Variants in TENM4 observed in about 807,000 individuals in gnomAD.
The protein encoded by TENM4 is teneurin transmembrane protein 4, also known as teneurin-4.
A neutral mutation model predicts 243.3 loss-of-function variants in TENM4; 82 were observed. That is an observed-to-expected ratio of 0.34 (90% CI 0.28 to 0.40). The LOEUF is 0.40. Among genes scored for constraint, TENM4 ranks in the 10% least tolerant of loss-of-function variants. TENM4 has a pLI of 1.00. For missense variants in TENM4, 3,138 were observed against 3,673.3 expected (o/e 0.85, Z 3.77); for synonymous variants, 1,412 against 1,456.3 (o/e 0.97, Z 0.69).
At chr11:79,025,899 C>A (rs985750964) in intron 6 of TENM4, among the ~76,000 whole-genome samples, 2 of 152,154 alleles carry the variant, frequency 1.3e-5, no homozygotes, top group Non-Finnish European at 2.9e-5. Context: ...GGCTCCGGGA[C>A]ACATGCACTC....
chr11:79,320,606 A>G (rs995559713), intron 1 of TENM4, among the ~76,000 whole-genome samples: 7 of 152,194 alleles, frequency 4.6e-5, no homozygotes, highest in Admixed American at 1.3e-4. Context: ...TGGCAGAGCC[A>G]GGTTTTAAAC....
At chr11:79,316,551 CT>C (rs1228717255) in intron 1 of TENM4, among the ~76,000 whole-genome samples, 1 of 152,146 alleles carries the variant, frequency 6.6e-6, no homozygotes, top group East Asian at 1.9e-4. Flanking sequence ...TCTTGACTTC[CT>C]TTTTTATTTC....
At chr11:79,089,054 G>A (rs548229881) in intron 4 of TENM4, among the ~76,000 whole-genome samples, 2 of 152,328 alleles carry the variant, frequency 1.3e-5, no homozygotes, top group East Asian at 3.9e-4. Context: ...AGCCTTCCCA[G>A]ACAAAGCCCT....
chr11:79,142,942 C>A (rs951040881), intron 4 of TENM4, among the ~76,000 whole-genome samples: 2 of 151,948 alleles, frequency 1.3e-5, no homozygotes, highest in African/African-American at 4.8e-5. Flanking sequence ...TCATCACTGG[C>A]CATCAGAGAA....
chr11:78,984,888 C>T (rs624080), intron 6 of TENM4, among the ~76,000 whole-genome samples: 45,817 of 152,080 alleles, frequency 0.3, 7,718 homozygotes, highest in Middle Eastern at 0.41. Flanking sequence ...AGTGGTTCCA[C>T]GCAGCTAGTG....
rs187528650 is a variant in TENM4 at position 79,124,871 on chromosome 11, A to G, written c.-66+23839T>C. On this transcript the variant is annotated intron_variant, in intron 4 of 33. Transcript: ENST00000278550. ...CACATATGTATATATATGTATATGT[A>G]TGTGTATATATGTATATGTATATGT... is the stretch of plus-strand genomic sequence containing the variant. 2.7e-4 allele frequency among the ~76,000 whole-genome samples: 34 copies of G among 128,192 alleles called. No homozygotes were observed. In the South Asian group the frequency reaches 8.2e-3, roughly 31 times the overall value. 84.1% of individuals were successfully genotyped at this position (128,192 alleles called of 152,430 possible).
chr11:78,751,040 T>C (rs2135939448), intron 19 of TENM4, among the ~76,000 whole-genome samples: 1 of 152,252 alleles, frequency 6.6e-6, no homozygotes, highest in South Asian at 2.1e-4. Flanking sequence ...CCACCACACC[T>C]GGCTAATTTT....
chr11:79,096,862 CATTTCAATCTACTT>C (rs1054297850), intron 4 of TENM4: 2 of 152,586 alleles, frequency 1.3e-5, no homozygotes, highest in Middle Eastern at 3.2e-3. Context: ...CATTCTCACA[CATTTCAATCTACTT>C]ATTTGGAAGA....
At chr11:79,200,212 C>G (rs1863712183) in intron 3 of TENM4, among the ~76,000 whole-genome samples, 1 of 152,134 alleles carries the variant, frequency 6.6e-6, no homozygotes, top group Non-Finnish European at 1.5e-5. Flanking sequence ...AAAATAGAAC[C>G]CCAATCAGTT....
rs1261128408 is a variant in TENM4, at chr11:78,669,418, G to A, written c.6927C>T (p.His2309=). ...TCAGGTCTGCATAGAAGAACTGCAG[G>A]TGGTGGCTGTGGCTGCTCTTGCTGG... ...RVSSKSSHSH[H]LQFFYADLTN... The change falls in exon 32 of 34, where the codon CAC becomes CAT. Residue 2309 remains histidine (H), a synonymous_variant. Coordinates refer to ENST00000278550, the MANE Select transcript of TENM4 (RefSeq NM_001098816.3). This position sits in a 1 kb window ranked among gnomAD's most constrained non-coding sequence, Gnocchi z 6.4. The A allele has an allele frequency of 1.9e-6, 3 of 1,613,058 alleles. No homozygotes were observed. Among genetic ancestry groups the A allele is most frequent in the Non-Finnish European group, 2.5e-6 (3 of 1,179,364 alleles).
intron 12 of TENM4, among the ~76,000 whole-genome samples, chr11:78,839,930 G>C (rs1353887293): frequency 6.6e-6 from 1 of 152,132 alleles, no homozygotes; most frequent in Non-Finnish European, 1.5e-5. Flanking sequence ...ACACCTGCTG[G>C]GGTCCCTAGC....
intron 1 of TENM4, among the ~76,000 whole-genome samples, chr11:79,375,795 G>A (rs150214283): frequency 7.2e-4 from 109 of 152,246 alleles, no homozygotes; most frequent in African/African-American, 2.4e-3. Context: ...TGATGGGGTC[G>A]GAATGGGAGT....
chr11:79,277,546 C>T (rs1485157174), intron 2 of TENM4, among the ~76,000 whole-genome samples: 1 of 152,130 alleles, frequency 6.6e-6, no homozygotes, highest in Non-Finnish European at 1.5e-5. Context: ...ACCATGTCAT[C>T]AGGCCTGTTT....
At chr11:78,871,531 T>C (rs1306073408) in intron 9 of TENM4, among the ~76,000 whole-genome samples, 1 of 152,216 alleles carries the variant, frequency 6.6e-6, no homozygotes, top group Non-Finnish European at 1.5e-5. Flanking sequence ...CAGGCTTGAT[T>C]AGCGCCTTTG....
At chr11:79,011,527 T>C (rs1858641671) in intron 6 of TENM4, among the ~76,000 whole-genome samples, 1 of 152,198 alleles carries the variant, frequency 6.6e-6, no homozygotes, top group South Asian at 2.1e-4. Flanking sequence ...CTGAGGTTCT[T>C]GGCTTAGATG....
chr11:78,967,568 T>C (rs975519861), intron 6 of TENM4, among the ~76,000 whole-genome samples: 9 of 152,148 alleles, frequency 5.9e-5, no homozygotes, highest in Admixed American at 3.3e-4. Flanking sequence ...TTGGCTCAGC[T>C]CGGGCAGGAT....
At chr11:79,041,061 A>G (rs1859510858) in intron 6 of TENM4, among the ~76,000 whole-genome samples, 1 of 96,626 alleles carries the variant, frequency 1.0e-5, no homozygotes, top group East Asian at 2.4e-4. Flanking sequence ...ATCATTTGCC[A>G]TTCTCCTCTT....
chr11:79,366,477 G>T (rs1291793264), intron 1 of TENM4, among the ~76,000 whole-genome samples: 2 of 152,244 alleles, frequency 1.3e-5, no homozygotes, highest in African/African-American at 2.4e-5. Flanking sequence ...AGCCCCTGCA[G>T]CCAGTGCACA....
intron 15 of TENM4, among the ~76,000 whole-genome samples, chr11:78,800,703 A>G (rs576915695): frequency 1.3e-5 from 2 of 151,610 alleles, no homozygotes; most frequent in South Asian, 4.2e-4. Context: ...TGCTAGGGAT[A>G]CTTATAGGCC....
Sources: allele counts gnomAD v4.1 joint callset (sites outside exome capture counted in the v4.1 genomes callset), GRCh38; gene constraint gnomAD v4.1.1; non-coding constraint Gnocchi (gnomAD v3.1); transcripts MANE v1.5; gene names NCBI Gene and HGNC (gene_info 2026-07-23, HGNC 2026-07-21).